SLC45A4: variants seen among roughly 807,000 people sequenced by gnomAD.
SLC45A4 encodes the protein polyamine-transporter SLC45A4.
In SLC45A4, 32 loss-of-function variants were observed where a neutral mutation model predicts 63.7. The ratio of observed to expected loss-of-function variants is 0.50; its 90% confidence interval spans 0.38 to 0.67. The LOEUF is 0.67. SLC45A4 is among the 30% of genes least tolerant of loss of function. SLC45A4 has a pLI of 0.00. For missense variants in SLC45A4, 1,027 were observed against 1,157.7 expected, an observed-to-expected ratio of 0.89 and a Z score of 1.64; for synonymous variants, 535 against 510.0, an observed-to-expected ratio of 1.05 and a Z score of -0.66.
intron 1 of SLC45A4, among the ~76,000 whole-genome samples, chr8:141,265,223 C>A (rs1434979104): frequency 6.6e-6 from 1 of 152,236 alleles, no homozygotes; most frequent in Non-Finnish European, 1.5e-5. Flanking sequence ...TCACCCACAG[C>A]CCTTGCTGGG....
At chr8:141,242,532 G>A (rs1230677721) in intron 2 of SLC45A4, among the ~76,000 whole-genome samples, 2 of 152,198 alleles carry the variant, frequency 1.3e-5, no homozygotes. Flanking sequence ...AAGAACGGGC[G>A]AGACAGTGCT....
chr8:141,254,136 C>G lies in SLC45A4; in HGVS notation c.94G>C (p.Glu32Gln). 4 of 1,536,198 alleles carry G rather than the reference C, an allele frequency of 2.6e-6. No homozygotes were observed. Among genetic ancestry groups the G allele is most frequent in the Non-Finnish European group, 3.5e-6 (4 of 1,146,920 alleles). The change falls in exon 2 of 9, where the codon GAG (glutamate) becomes CAG (glutamine). Residue 32 changes from glutamate to glutamine, a missense_variant. Glu to Gln is a conservative substitution (Grantham distance 29, BLOSUM62 2). Transcript: ENST00000517878. The surrounding 1 kb of genome is among the most constrained non-coding windows in gnomAD (Gnocchi z 4.5). ...LPDPQKAGGAEAENCETISEG... is the reference protein window; with the variant it reads ...LPDPQKAGGAQAENCETISEG... ...CTGATGGTCTCGCAGTTCTCGGCCT[C>G]TGCGCCTCCGGCTTTCTGCGGGTCC...
rs1825784278 is a variant in SLC45A4, at chr8:141,211,220, G to C, written c.*352C>G. 1 of 438,338 alleles carries C rather than the reference G, an allele frequency of 2.3e-6. No homozygotes were observed. Among genetic ancestry groups the C allele is most frequent in the Non-Finnish European group, 4.0e-6 (1 of 248,806 alleles). 27.2% of individuals were successfully genotyped at this position (438,338 alleles called of 1,614,324 possible). ...GCAAATGGTTTAGAGACGAATCAAA[G>C]TGCAGTGAAAGTCAACGTTTCCTTC... On this transcript the variant is annotated 3_prime_UTR_variant, in exon 9 of 9. Transcript: ENST00000517878.
chr8:141,217,044 G>T, intron 6 of SLC45A4, 46 bp downstream of exon 6: 2 of 1,581,144 alleles, frequency 1.3e-6, no homozygotes, highest in South Asian at 1.1e-5. Context: ...TCTAATCACT[G>T]AGTTTTCTGG....
At chr8:141,266,654 C>T (rs1018628124) in intron 1 of SLC45A4, among the ~76,000 whole-genome samples, 2 of 152,210 alleles carry the variant, frequency 1.3e-5, no homozygotes, top group African/African-American at 2.4e-5. Context: ...AAAGTATTCG[C>T]AAAAGACATA....
At chr8:141,279,884 A>C (rs920837338) in intron 1 of SLC45A4, among the ~76,000 whole-genome samples, 1 of 152,270 alleles carries the variant, frequency 6.6e-6, no homozygotes, top group African/African-American at 2.4e-5. Flanking sequence ...AGTTCCCCCC[A>C]AACACTCAGC....
At chr8:141,251,024 T>A (rs750941925) in intron 2 of SLC45A4, among the ~76,000 whole-genome samples, 1 of 152,082 alleles carries the variant, frequency 6.6e-6, no homozygotes, top group Non-Finnish European at 1.5e-5. Context: ...GGAAAAGCAG[T>A]TCCTAATGAC....
intron 1 of SLC45A4, among the ~76,000 whole-genome samples, chr8:141,268,065 G>T (rs753526696): frequency 6.6e-6 from 1 of 152,208 alleles, no homozygotes; most frequent in African/African-American, 2.4e-5. Context: ...CAACCAAGAC[G>T]TCCTTGTGTA....
At chr8:141,244,491 G>A (rs145631007) in intron 2 of SLC45A4, among the ~76,000 whole-genome samples, 6 of 152,326 alleles carry the variant, frequency 3.9e-5, no homozygotes, top group African/African-American at 1.4e-4. Context: ...GTCCTTAGGG[G>A]ATGCACAGTC....
chr8:141,307,642 G>A (rs1052703572), intron 1 of SLC45A4, among the ~76,000 whole-genome samples: 2 of 152,142 alleles, frequency 1.3e-5, no homozygotes, highest in Non-Finnish European at 2.9e-5. Flanking sequence ...ATTCTCATAA[G>A]TTAGAGATAG....
At chr8:141,306,546 G>A (rs146250503) in intron 1 of SLC45A4, among the ~76,000 whole-genome samples, 1 of 152,308 alleles carries the variant, frequency 6.6e-6, no homozygotes, top group East Asian at 1.9e-4. Context: ...GAAAAGTGAG[G>A]ACACTATACA....
intron 2 of SLC45A4, among the ~76,000 whole-genome samples, chr8:141,250,545 C>G (rs1265718021): frequency 6.6e-6 from 1 of 152,132 alleles, no homozygotes; most frequent in Non-Finnish European, 1.5e-5. Context: ...ACCACCACAT[C>G]CAGCTAATTT....
chr8:141,269,645 GTGTC>G lies in SLC45A4; in HGVS notation c.-400-15020_-400-15017del, dbSNP rs1298436111. 1.1e-4 allele frequency among the ~76,000 whole-genome samples: 17 copies of G among 151,572 alleles called. 1 individual carries two copies. Among genetic ancestry groups the G allele is most frequent in the African/African-American group, 3.4e-4 (14 of 41,306 alleles). On this transcript the variant is annotated intron_variant, in intron 1 of 8. Transcript: ENST00000517878. ...GTGTCTGTGCGGGGGGTGTGTGGGGGTGTCTGTCTGCCTGCGTCTGTATGTCTGT... is the reference window on the plus strand; with the variant it reads ...GTGTCTGTGCGGGGGGTGTGTGGGGGTGTCTGCCTGCGTCTGTATGTCTGT...
At chr8:141,304,469 G>C (rs1234820412) in intron 1 of SLC45A4, among the ~76,000 whole-genome samples, 3 of 149,040 alleles carry the variant, frequency 2.0e-5, no homozygotes, top group Non-Finnish European at 4.4e-5. Context: ...GGAGGCAAAA[G>C]AATCGCTTGA....
At chr8:141,271,923 CAACA>C (rs1829548851) in intron 1 of SLC45A4, among the ~76,000 whole-genome samples, 1 of 152,022 alleles carries the variant, frequency 6.6e-6, no homozygotes, top group Admixed American at 6.6e-5. Context: ...CACACGTGTG[CAACA>C]CACACCTGCA....
In SLC45A4 at chr8:141,251,974, A is replaced by G. The variant is rs150927823; in HGVS notation, c.241+2015T>C. 2.0e-4 allele frequency among the ~76,000 whole-genome samples: 29 copies of G among 145,552 alleles called. 1 individual carries two copies. The East Asian group carries it at 4.5e-3, about 23-fold the overall frequency. The stretch of plus-strand genomic sequence containing the variant: ...GGAGTCAGATCCGTGCACATAACCG[A>G]GGGATCCGCACTGCAGCGAGGCTGA... On this transcript the variant is annotated intron_variant, in intron 2 of 8. Coordinates refer to ENST00000517878, the MANE Select transcript of SLC45A4 (RefSeq NM_001286646.2).
rs914289834 is a variant in SLC45A4 at position 141,211,343 on chromosome 8, TCA to T, written c.*227_*228del. On this transcript the variant is annotated 3_prime_UTR_variant, in exon 9 of 9. Transcript: ENST00000517878. Reference sequence around the variant, plus strand: ...GTCACATGGCTGGGCGCAGACACACTCACACGCGCACGCAGGAGCTCGTCTGG... The same window carrying T: ...GTCACATGGCTGGGCGCAGACACACTCACGCGCACGCAGGAGCTCGTCTGG... 23 of 1,360,622 alleles carry T rather than the reference TCA, an allele frequency of 1.7e-5. No homozygotes were observed. The highest frequency in any genetic ancestry group is 2.6e-5 in the Admixed American group (1 of 38,630). The allele number at this position is 1,360,622 out of a possible 1,614,324, so 84.3% of individuals were successfully genotyped here.
At chr8:141,307,637 C>T (rs904765071) in intron 1 of SLC45A4, among the ~76,000 whole-genome samples, 1 of 152,058 alleles carries the variant, frequency 6.6e-6, no homozygotes, top group African/African-American at 2.4e-5. Context: ...GTTGAATTCT[C>T]ATAAGTTAGA....
chr8:141,218,833 G>T lies in SLC45A4; in HGVS notation c.807C>A (p.Pro269=), dbSNP rs200797275. The stretch of plus-strand genomic sequence containing the variant: ...GCGGCTCGCCCCCATCCAGGGCGCC[G>T]GGCTCCTCAGCGCTGCGCTCCTGCT... The part of the protein sequence containing the change: ...SPQQERSAEE[P]GALDGGEPHG... Residue 269 remains proline, a synonymous_variant, in exon 5 of 9, where the codon CCC becomes CCA. Transcript: ENST00000517878. The T allele has an allele frequency of 3.7e-6, 6 of 1,613,084 alleles. No individual in the cohort carries two copies. The highest frequency in any genetic ancestry group is 5.1e-6 in the Non-Finnish European group (6 of 1,179,858).
Sources: gnomAD v4.1 joint callset for allele counts (sites outside exome capture counted in the v4.1 genomes callset) on GRCh38, gnomAD v4.1.1 for gene constraint, Gnocchi (gnomAD v3.1) non-coding constraint, MANE v1.5 for transcripts, NCBI Gene and HGNC (gene_info 2026-07-23, HGNC 2026-07-21) for gene names.